The following CLVS1 variants were observed in gnomAD, a reference collection of about 807,000 sequenced individuals.
CLVS1 encodes clavesin-1.
Under a neutral mutation model 33.1 loss-of-function variants are expected in CLVS1, and 10 were observed. The observed-to-expected ratio is 0.30, with a 90% CI of 0.19 to 0.51. The LOEUF is 0.51. Ranked by LOEUF, CLVS1 falls within the 20% of genes least tolerant of loss-of-function variation. CLVS1 has a pLI of 0.97. For missense variants in CLVS1, 343 were observed against 433.4 expected (o/e 0.79, Z 1.85); for synonymous variants, 163 against 166.1 (o/e 0.98, Z 0.14).
At chr8:61,050,748 C>T in the CLVS1 span, among the ~76,000 whole-genome samples, 1 of 152,236 alleles carries the variant, frequency 6.6e-6, no homozygotes. Flanking sequence ...GCCTTAGCTT[C>T]GTCATTGGTT....
At chr8:61,202,314 C>G (rs1190252605) in intron 2 of CLVS1, 2 of 675,662 alleles carry the variant, frequency 3.0e-6, no homozygotes, top group Non-Finnish European at 5.4e-6. Context: ...TTATCTTCGT[C>G]CGCCTTCTCT....
At chr8:61,078,981 G>A (rs1293361845) in intron 1 of CLVS1, among the ~76,000 whole-genome samples, 1 of 152,096 alleles carries the variant, frequency 6.6e-6, no homozygotes, top group East Asian at 1.9e-4. Flanking sequence ...AACAACATTT[G>A]TGAATGTTGA....
chr8:61,135,548 G>C (rs2129291958), intron 2 of CLVS1, among the ~76,000 whole-genome samples: 1 of 152,352 alleles, frequency 6.6e-6, no homozygotes, highest in South Asian at 2.1e-4. Flanking sequence ...AGAAGAGAGA[G>C]AGTAGGAATA....
At chr8:61,213,736 G>A (rs1808022446) in intron 2 of CLVS1, among the ~76,000 whole-genome samples, 2 of 152,088 alleles carry the variant, frequency 1.3e-5, no homozygotes, top group African/African-American at 2.4e-5. Context: ...ACAAATTGTA[G>A]AGCATGTGTG....
At chr8:61,473,426 C>A (rs943614445) in intron 5 of CLVS1, among the ~76,000 whole-genome samples, 3 of 151,570 alleles carry the variant, frequency 2.0e-5, no homozygotes, top group Non-Finnish European at 2.9e-5. Context: ...GCACAGGGGC[C>A]CACCGTGCAG....
At chr8:61,277,346 G>A (rs1809578213) in intron 2 of CLVS1, among the ~76,000 whole-genome samples, 1 of 152,176 alleles carries the variant, frequency 6.6e-6, no homozygotes, top group Non-Finnish European at 1.5e-5. Context: ...TGCATTCAGG[G>A]CTTGTGTGGA....
rs189527816 is a variant in CLVS1 at position 61,330,318 on chromosome 8, G to C, written c.455+30036G>C. Reference sequence around the variant, plus strand: ...TGCAAGTCCAGGAAATAGTTGGAAGGGGACACATGGCAGAAAATTTAGAAA... The same window carrying C: ...TGCAAGTCCAGGAAATAGTTGGAAGCGGACACATGGCAGAAAATTTAGAAA... On this transcript the variant is annotated intron_variant, in intron 2 of 5. Coordinates refer to ENST00000325897, the MANE Select transcript of CLVS1 (RefSeq NM_173519.3). 5.1e-3 allele frequency among the ~76,000 whole-genome samples: 770 copies of C among 152,256 alleles called. 8 individuals carry two copies. The highest frequency in any genetic ancestry group is 0.018 in the African/African-American group (738 of 41,538).
chr8:61,340,668 A>G (rs993906482), intron 2 of CLVS1, among the ~76,000 whole-genome samples: 2 of 152,226 alleles, frequency 1.3e-5, no homozygotes, highest in African/African-American at 4.8e-5. Context: ...CCATTTCAAC[A>G]TACTGACTGC....
chr8:61,255,710 T>C (rs1809063994), intron 2 of CLVS1, among the ~76,000 whole-genome samples: 1 of 152,152 alleles, frequency 6.6e-6, no homozygotes, highest in Non-Finnish European at 1.5e-5. Context: ...AATAAATCTC[T>C]AGGGCAGCAC....
chr8:61,240,121 A>G (rs531257344), intron 2 of CLVS1, among the ~76,000 whole-genome samples: 2 of 152,352 alleles, frequency 1.3e-5, no homozygotes, highest in Admixed American at 6.5e-5. Flanking sequence ...TCAATAAACA[A>G]TGAGAGGTAG....
rs189713223 is a variant in CLVS1, at chr8:61,293,051, G to A, written c.-152+4913G>A. Among the ~76,000 whole-genome samples the A allele has an allele frequency of 5.1e-4, 78 of 152,274 alleles. 1 individual carries two copies. Among genetic ancestry groups the A allele is most frequent in the Admixed American group, 1.8e-3 (27 of 15,288 alleles). ...ACATTTCTTGAGAGCAGGACCAAAT[G>A]GGAGCAAATGATTGTGTGCTTCTTT... is the stretch of plus-strand genomic sequence containing the variant. On this transcript the variant is annotated intron_variant, in intron 1 of 5. Transcript: ENST00000325897.
At chr8:61,449,920 T>C (rs1238982663) in intron 3 of CLVS1, among the ~76,000 whole-genome samples, 1 of 152,220 alleles carries the variant, frequency 6.6e-6, no homozygotes, top group African/African-American at 2.4e-5. Flanking sequence ...GTATGACTAC[T>C]TCATCTTTGC....
the CLVS1 span, among the ~76,000 whole-genome samples, chr8:61,047,358 G>A: frequency 6.6e-6 from 1 of 152,200 alleles, no homozygotes; most frequent in Admixed American, 6.5e-5. Context: ...CACTGTTTGT[G>A]GAACTGTAAA....
At chr8:61,452,955 T>A (rs1187594765) in intron 3 of CLVS1, among the ~76,000 whole-genome samples, 2 of 152,028 alleles carry the variant, frequency 1.3e-5, no homozygotes, top group East Asian at 3.9e-4. Flanking sequence ...TGAAAAAAAG[T>A]TAATAACCTT....
chr8:61,283,733 G>A (rs61106889), upstream of CLVS1, among the ~76,000 whole-genome samples: 40,591 of 152,018 alleles, frequency 0.27, 7,878 homozygotes, highest in East Asian at 0.84. Flanking sequence ...ATTGTATCAA[G>A]CCTCTGAGAT....
At chr8:61,406,993 T>C (rs1389947085) in intron 3 of CLVS1, among the ~76,000 whole-genome samples, 2 of 152,222 alleles carry the variant, frequency 1.3e-5, no homozygotes, top group Non-Finnish European at 2.9e-5. Context: ...TTTTACTAGG[T>C]ATATTGAACT....
At chr8:61,481,532 G>A (rs892766894) in intron 5 of CLVS1, among the ~76,000 whole-genome samples, 3 of 152,168 alleles carry the variant, frequency 2.0e-5, no homozygotes, top group Non-Finnish European at 2.9e-5. Context: ...CTTAGCAAAT[G>A]GCACACCAGG....
intron 2 of CLVS1, among the ~76,000 whole-genome samples, chr8:61,255,282 T>C (rs1809053911): frequency 6.6e-6 from 1 of 152,174 alleles, no homozygotes; most frequent in African/African-American, 2.4e-5. Context: ...TTAACAGTAA[T>C]GCTAAAGCAG....
intron 2 of CLVS1, among the ~76,000 whole-genome samples, chr8:61,304,785 T>A (rs1209830422): frequency 6.6e-6 from 1 of 152,200 alleles, no homozygotes; most frequent in Non-Finnish European, 1.5e-5. Context: ...ACACATCGGT[T>A]TTTTTTCTGG....
Sources: allele counts gnomAD v4.1 joint callset (sites outside exome capture counted in the v4.1 genomes callset), GRCh38; gene constraint gnomAD v4.1.1; transcripts MANE v1.5; gene names NCBI Gene and HGNC (gene_info 2026-07-23, HGNC 2026-07-21).